NR3C2: variants seen among roughly 807,000 people sequenced by gnomAD.
NR3C2 encodes the protein mineralocorticoid receptor.
A neutral mutation model predicts 86.4 loss-of-function variants in NR3C2; 15 were observed. The ratio of observed to expected loss-of-function variants is 0.17; its 90% confidence interval spans 0.12 to 0.27. NR3C2 has a LOEUF of 0.27. Ranked by LOEUF, NR3C2 falls within the 10% of genes least tolerant of loss-of-function variation. The pLI, the probability that NR3C2 is intolerant of heterozygous loss-of-function variation, is 1.00. For missense variants in NR3C2, 960 were observed against 1,195.6 expected (o/e 0.80, Z 2.91); for synonymous variants, 458 against 450.5 (o/e 1.02, Z -0.21).
At chr4:148,294,681 A>T (rs1303088862) in intron 2 of NR3C2, among the ~76,000 whole-genome samples, 1 of 150,080 alleles carries the variant, frequency 6.7e-6, no homozygotes, top group Non-Finnish European at 1.5e-5. Context: ...ATTGATATAA[A>T]AAAAAAAAGC....
rs72491781 is a variant in NR3C2, at chr4:148,261,350, C to G, written c.1758-1233G>C. Among the ~76,000 whole-genome samples, 3 of 148,690 alleles carry G rather than the reference C, an allele frequency of 2.0e-5. 1 individual carries two copies. Among genetic ancestry groups the G allele is most frequent in the African/African-American group, 7.5e-5 (3 of 40,186 alleles). Reference sequence around the variant, plus strand: ...GTGCGCTATGGTAAGCCCTATGGTGCGCTATGGTAAGCGCTATGGTGCGCT... The same window carrying G: ...GTGCGCTATGGTAAGCCCTATGGTGGGCTATGGTAAGCGCTATGGTGCGCT... On this transcript the variant is annotated intron_variant, in intron 2 of 8. Coordinates refer to ENST00000358102, the MANE Select transcript of NR3C2 (RefSeq NM_000901.5).
intron 7 of NR3C2, among the ~76,000 whole-genome samples, chr4:148,114,976 A>G (rs1448289384): frequency 6.6e-6 from 1 of 152,168 alleles, no homozygotes; most frequent in Non-Finnish European, 1.5e-5. Context: ...CTGTACATCA[A>G]AATATATTTT....
chr4:148,373,427 T>C (rs367653269), intron 2 of NR3C2, among the ~76,000 whole-genome samples: 21 of 152,112 alleles, frequency 1.4e-4, no homozygotes, highest in African/African-American at 2.9e-4. Flanking sequence ...GCAGAGTACC[T>C]TGGATTCCCA....
intron 8 of NR3C2, among the ~76,000 whole-genome samples, chr4:148,101,535 AAAG>A (rs1164183037): frequency 4.6e-5 from 7 of 152,218 alleles, no homozygotes; most frequent in Middle Eastern, 3.2e-3. Flanking sequence ...ATGACTTAAA[AAAG>A]AAGATCAGCT....
At chr4:148,266,208 G>C (rs1740382407) in intron 2 of NR3C2, among the ~76,000 whole-genome samples, 1 of 152,062 alleles carries the variant, frequency 6.6e-6, no homozygotes, top group Non-Finnish European at 1.5e-5. Flanking sequence ...GAGTAGCTGG[G>C]ACTACAGGTG....
intron 5 of NR3C2, among the ~76,000 whole-genome samples, chr4:148,153,522 T>C (rs1734203136): frequency 6.6e-6 from 1 of 152,216 alleles, no homozygotes; most frequent in Non-Finnish European, 1.5e-5. Flanking sequence ...GGCATCATGT[T>C]ATTTTTCTGC....
At chr4:148,392,740 T>C (rs533962125) in intron 2 of NR3C2, among the ~76,000 whole-genome samples, 6 of 152,360 alleles carry the variant, frequency 3.9e-5, no homozygotes, top group African/African-American at 1.2e-4. Flanking sequence ...AAAAGTATTT[T>C]ACCAAAATAA....
intron 8 of NR3C2, among the ~76,000 whole-genome samples, chr4:148,101,057 C>CTAT (rs1283517862): frequency 2.0e-5 from 3 of 152,004 alleles, no homozygotes; most frequent in African/African-American, 7.3e-5. Context: ...TTTAGTTTTG[C>CTAT]AGGACAAAGA....
At chr4:148,297,194 C>G (rs1742094847) in intron 2 of NR3C2, among the ~76,000 whole-genome samples, 1 of 152,174 alleles carries the variant, frequency 6.6e-6, no homozygotes, top group South Asian at 2.1e-4. Flanking sequence ...TGACACACCA[C>G]TGTCATTTGT....
chr4:148,136,301 G>C (rs1230456330), intron 6 of NR3C2, among the ~76,000 whole-genome samples: 1 of 151,482 alleles, frequency 6.6e-6, no homozygotes, highest in Admixed American at 6.6e-5. Context: ...AAGAGAAAGG[G>C]TCAAGCAGAA....
chr4:148,412,003 G>C (rs1748731589), intron 2 of NR3C2, among the ~76,000 whole-genome samples: 1 of 152,136 alleles, frequency 6.6e-6, no homozygotes, highest in East Asian at 1.9e-4. Context: ...TCAGAGCTGG[G>C]CTATAACACA....
At chr4:148,235,794 A>G (rs1378879125) in intron 3 of NR3C2, among the ~76,000 whole-genome samples, 1 of 152,244 alleles carries the variant, frequency 6.6e-6, no homozygotes, top group Non-Finnish European at 1.5e-5. Flanking sequence ...TTAGGACAAC[A>G]GCTTAGCTGT....
chr4:148,082,756 G>A (rs562012815), intron 8 of NR3C2, among the ~76,000 whole-genome samples: 1 of 149,992 alleles, frequency 6.7e-6, no homozygotes, highest in South Asian at 2.2e-4. Flanking sequence ...CGAAGCCAAG[G>A]AGCCAAGCTG....
intron 3 of NR3C2, among the ~76,000 whole-genome samples, chr4:148,223,478 A>C (rs561651989): frequency 1.6e-4 from 24 of 152,312 alleles, no homozygotes; most frequent in African/African-American, 5.5e-4. Context: ...ACTGTCAATA[A>C]ATATCTGGTA....
intron 4 of NR3C2, among the ~76,000 whole-genome samples, chr4:148,185,478 A>C (rs1735847083): frequency 6.6e-6 from 1 of 152,268 alleles, no homozygotes. Flanking sequence ...AAAGCAAAGA[A>C]GAATGAAGTC....
chr4:148,173,278 T>A (rs1404024231), intron 4 of NR3C2, among the ~76,000 whole-genome samples: 1 of 152,214 alleles, frequency 6.6e-6, no homozygotes, highest in Non-Finnish European at 1.5e-5. Flanking sequence ...TGTGTCACCT[T>A]ACATGGCAAA....
chr4:148,134,519 G>A (rs116020199), intron 6 of NR3C2, among the ~76,000 whole-genome samples: 6,348 of 152,060 alleles, frequency 0.042, 161 homozygotes, highest in Middle Eastern at 0.088. Context: ...ACTAAGTAGC[G>A]GTGCAGTTTC....
intron 2 of NR3C2, among the ~76,000 whole-genome samples, chr4:148,417,352 T>C (rs752257413): frequency 2.0e-5 from 3 of 152,232 alleles, no homozygotes; most frequent in African/African-American, 4.8e-5. Flanking sequence ...TAAAGACTTA[T>C]AATGACTTCT....
At chr4:148,239,660 T>C (rs967600207) in intron 3 of NR3C2, among the ~76,000 whole-genome samples, 3 of 152,218 alleles carry the variant, frequency 2.0e-5, no homozygotes, top group Admixed American at 2.0e-4. Flanking sequence ...TCTTAAAACT[T>C]GCTAATAAGC....
Sources: allele counts gnomAD v4.1 joint callset (sites outside exome capture counted in the v4.1 genomes callset), GRCh38; gene constraint gnomAD v4.1.1; transcripts MANE v1.5; gene names NCBI Gene and HGNC (gene_info 2026-07-23, HGNC 2026-07-21).